The following FOXP2 variants were observed in gnomAD, a reference collection of about 807,000 sequenced individuals.
The protein encoded by FOXP2 is forkhead box protein P2.
In FOXP2, 12 loss-of-function variants were observed where a neutral mutation model predicts 115.8. The ratio of observed to expected loss-of-function variants is 0.10; its 90% CI spans 0.07 to 0.17. FOXP2 has a LOEUF of 0.17. Among genes scored for constraint, FOXP2 ranks in the 10% least tolerant of loss-of-function variants. The probability of loss-of-function intolerance (pLI) is 1.00; values close to 1 mark genes in which losing one functional copy is unlikely to be tolerated. For missense variants in FOXP2, 629 were observed against 843.5 expected (o/e 0.75, Z 3.15); for synonymous variants, 328 against 297.7 (o/e 1.10, Z -1.05).
chr7:114,526,488 CA>C (rs572768894), intron 2 of FOXP2, among the ~76,000 whole-genome samples: 3,797 of 137,732 alleles, frequency 0.028, 157 homozygotes, highest in African/African-American at 0.09. Context: ...AAAAAAAAAA[CA>C]AAAAAAAAAA....
At chr7:114,485,599 T>A (rs1356680580) in intron 2 of FOXP2, among the ~76,000 whole-genome samples, 1 of 152,016 alleles carries the variant, frequency 6.6e-6, no homozygotes, top group Non-Finnish European at 1.5e-5. Context: ...TTACACTTGC[T>A]GTGTAGTATT....
intron 2 of FOXP2, among the ~76,000 whole-genome samples, chr7:114,404,831 C>A (rs1792993900): frequency 6.6e-6 from 1 of 151,984 alleles, no homozygotes. Context: ...TCAGCTTGAA[C>A]TGACCAACTT....
At chr7:114,387,323 C>T (rs1792477941) in intron 2 of FOXP2, among the ~76,000 whole-genome samples, 1 of 152,116 alleles carries the variant, frequency 6.6e-6, no homozygotes, top group Non-Finnish European at 1.5e-5. Flanking sequence ...AAAAAATATT[C>T]TCTTCTCTTG....
At position 114,437,892 on chromosome 7, in the gene FOXP2, C is replaced by T. The variant is rs145827461; in HGVS notation, c.168+11213C>T. Among the ~76,000 whole-genome samples, 597 of 152,156 alleles carry T rather than the reference C, an allele frequency of 3.9e-3. 2 individuals are homozygous for T. The highest frequency in any genetic ancestry group is 0.013 in the African/African-American group (556 of 41,526). ...AGTTCATGGTTATTAAACACATGAA[C>T]GTGACTATTCTGAATTGAGACGTGC... On this transcript the variant is annotated intron_variant, in intron 2 of 16. Coordinates refer to ENST00000350908, the MANE Select transcript of FOXP2 (RefSeq NM_014491.4).
intron 1 of FOXP2, among the ~76,000 whole-genome samples, chr7:114,246,244 C>T (rs890866804): frequency 2.6e-5 from 4 of 151,944 alleles, no homozygotes; most frequent in Admixed American, 2.0e-4. Flanking sequence ...TTTCAAAGAG[C>T]CCTTTAATCA....
intron 1 of FOXP2, among the ~76,000 whole-genome samples, chr7:114,201,480 T>A (rs1794064271): frequency 6.6e-6 from 1 of 152,170 alleles, no homozygotes; most frequent in South Asian, 2.1e-4. Context: ...TGTTAAATTT[T>A]TTTGTAAAAT....
chr7:114,214,161 G>C (rs1027921296), intron 1 of FOXP2, among the ~76,000 whole-genome samples: 1 of 152,048 alleles, frequency 6.6e-6, no homozygotes, highest in Non-Finnish European at 1.5e-5. Flanking sequence ...TATTTAGTTT[G>C]TTGTTCACTT....
rs372477540 is a variant in FOXP2, at chr7:114,658,133, A to G, written c.1334A>G (p.Gln445Arg). ...MLETSPQSLP[Q>R]TPTTPTAPVT... Reference sequence around the variant, plus strand: ...GAGACATCCCCACAGAGCTTACCTCAAACCCCTACCACACCAACGGCCCCA... The same window carrying G: ...GAGACATCCCCACAGAGCTTACCTCGAACCCCTACCACACCAACGGCCCCA... Residue 445 changes from glutamine to arginine, a missense_variant, in exon 11 of 17, where the codon CAA (glutamine) becomes CGA (arginine). Physicochemically the swap from Gln to Arg is conservative, Grantham distance 43. Transcript: ENST00000350908. The G allele has an allele frequency of 4.3e-6, 7 of 1,613,850 alleles. No homozygotes were observed. In the African/African-American group the frequency reaches 6.7e-5, roughly 15 times the overall value.
intron 10 of FOXP2, among the ~76,000 whole-genome samples, chr7:114,654,700 G>T (rs535482006): frequency 2.6e-5 from 4 of 152,118 alleles, no homozygotes; most frequent in Admixed American, 2.6e-4. Flanking sequence ...TCATTCAGCT[G>T]ATGTTTGCAC....
At chr7:114,216,810 T>C (rs1294723154) in intron 1 of FOXP2, among the ~76,000 whole-genome samples, 1 of 152,138 alleles carries the variant, frequency 6.6e-6, no homozygotes, top group African/African-American at 2.4e-5. Context: ...TCAAACAAGA[T>C]GAAACAAAAG....
chr7:114,394,950 A>G (rs528492878), intron 2 of FOXP2, among the ~76,000 whole-genome samples: 19 of 152,312 alleles, frequency 1.2e-4, no homozygotes, highest in African/African-American at 4.6e-4. Flanking sequence ...CGTGTGAATA[A>G]TGTATCATTT....
chr7:114,358,536 CAG>C (rs1346270064), intron 2 of FOXP2, among the ~76,000 whole-genome samples: 6 of 152,098 alleles, frequency 3.9e-5, no homozygotes, highest in Non-Finnish European at 8.8e-5. Context: ...GCTCAGAAGA[CAG>C]GGAAAGTTTG....
At chr7:114,524,413 C>A (rs953944199) in intron 2 of FOXP2, among the ~76,000 whole-genome samples, 1 of 152,062 alleles carries the variant, frequency 6.6e-6, no homozygotes, top group African/African-American at 2.4e-5. Context: ...TCTTTATACC[C>A]TGAACAGCTC....
chr7:114,297,916 C>T (rs1274847768), intron 2 of FOXP2, among the ~76,000 whole-genome samples: 3 of 152,048 alleles, frequency 2.0e-5, no homozygotes, highest in Non-Finnish European at 4.4e-5. Context: ...TTTAGTGTTC[C>T]AGTGCCGTTA....
At chr7:114,140,718 G>T (rs187694029) in intron 1 of FOXP2, among the ~76,000 whole-genome samples, 264 of 152,308 alleles carry the variant, frequency 1.7e-3, no homozygotes, top group African/African-American at 6.1e-3. Flanking sequence ...CAAAGGAAAT[G>T]ATGGTATTTG....
At chr7:114,543,504 A>G (rs1799779638) in intron 3 of FOXP2, among the ~76,000 whole-genome samples, 1 of 152,044 alleles carries the variant, frequency 6.6e-6, no homozygotes. Context: ...TAAAAATTTC[A>G]ATAAAATTTG....
At chr7:114,661,898 A>T in intron 13 of FOXP2, 167 bp from the exon 14 acceptor site, 1 of 776,466 alleles carries the variant, frequency 1.3e-6, no homozygotes, top group Non-Finnish European at 2.0e-6. Flanking sequence ...AGATTCCAGT[A>T]ATTTGTAAGT....
chr7:114,468,181 C>T (rs984192753), intron 2 of FOXP2, among the ~76,000 whole-genome samples: 4 of 152,082 alleles, frequency 2.6e-5, no homozygotes, highest in African/African-American at 9.7e-5. Context: ...TCATTTTATT[C>T]TTCCCCTAAA....
intron 2 of FOXP2, among the ~76,000 whole-genome samples, chr7:114,514,137 A>G (rs1798214063): frequency 6.6e-6 from 1 of 151,938 alleles, no homozygotes; most frequent in African/African-American, 2.4e-5. Context: ...TATATACAAT[A>G]CTATGCTGTA....
Sources: allele counts gnomAD v4.1 joint callset (sites outside exome capture counted in the v4.1 genomes callset), GRCh38; gene constraint gnomAD v4.1.1; transcripts MANE v1.5; gene names NCBI Gene and HGNC (gene_info 2026-07-23, HGNC 2026-07-21).